DAPK1: variants seen among roughly 807,000 people sequenced by gnomAD.
DAPK1 encodes death-associated protein kinase 1.
Under a neutral mutation model 144.9 loss-of-function variants are expected in DAPK1, and 56 were observed. That is an observed-to-expected ratio of 0.39 (90% CI 0.31 to 0.48). The LOEUF is 0.48. Ranked by LOEUF, DAPK1 falls within the 20% of genes least tolerant of loss-of-function variation. The pLI, the probability that DAPK1 is intolerant of heterozygous loss-of-function variation, is 0.95. For missense variants in DAPK1, 1,454 were observed against 1,875.4 expected, an observed-to-expected ratio of 0.78 and a Z score of 4.15; for synonymous variants, 690 against 749.0, an observed-to-expected ratio of 0.92 and a Z score of 1.29.
At chr9:87,532,583 A>G (rs1283658339) in intron 2 of DAPK1, among the ~76,000 whole-genome samples, 1 of 152,196 alleles carries the variant, frequency 6.6e-6, no homozygotes, top group African/African-American at 2.4e-5. Context: ...TATAATGTGA[A>G]ATTCTTATTT....
chr9:87,607,051 G>A (rs947548513), intron 3 of DAPK1, among the ~76,000 whole-genome samples: 3 of 149,350 alleles, frequency 2.0e-5, no homozygotes, highest in East Asian at 2.0e-4. Flanking sequence ...TGCTTCCCCT[G>A]TACCCTCCCA....
intron 2 of DAPK1, among the ~76,000 whole-genome samples, chr9:87,564,919 A>G (rs964563563): frequency 5.3e-5 from 8 of 151,804 alleles, no homozygotes; most frequent in African/African-American, 1.7e-4. Flanking sequence ...AGCAATAAAG[A>G]CTCTTGGATT....
intron 2 of DAPK1, among the ~76,000 whole-genome samples, chr9:87,581,910 G>A (rs1365572212): frequency 6.6e-6 from 1 of 152,008 alleles, no homozygotes; most frequent in Non-Finnish European, 1.5e-5. Flanking sequence ...TGAGACACTC[G>A]GGCTTAATGT....
chr9:87,539,057 A>G (rs1177617884), intron 2 of DAPK1, among the ~76,000 whole-genome samples: 1 of 150,908 alleles, frequency 6.6e-6, no homozygotes, highest in East Asian at 1.9e-4. Context: ...TTTTATTGCT[A>G]ACATACAAAG....
chr9:87,594,509 C>T (rs906444458), intron 2 of DAPK1, among the ~76,000 whole-genome samples: 8 of 152,188 alleles, frequency 5.3e-5, no homozygotes, highest in African/African-American at 1.9e-4. Context: ...CAGTGAGTCC[C>T]AGAAAGTGAA....
chr9:87,645,709 T>A (rs1446979450), intron 11 of DAPK1, among the ~76,000 whole-genome samples, 186 bp from the exon 12 acceptor site: 1 of 152,176 alleles, frequency 6.6e-6, no homozygotes, highest in Non-Finnish European at 1.5e-5. Context: ...ATAGTGCTTG[T>A]TTGCAACATG....
chr9:87,616,180 G>A (rs1829089818), intron 3 of DAPK1, among the ~76,000 whole-genome samples: 1 of 152,234 alleles, frequency 6.6e-6, no homozygotes, highest in Non-Finnish European at 1.5e-5. Flanking sequence ...GAAGTTGGGG[G>A]TGGGCAGAAG....
intron 17 of DAPK1, among the ~76,000 whole-genome samples, chr9:87,653,619 T>C (rs982146071): frequency 2.1e-4 from 32 of 152,290 alleles, no homozygotes; most frequent in African/African-American, 7.2e-4. Flanking sequence ...CAGGAAAATG[T>C]CTAGTGACAT....
intron 3 of DAPK1, among the ~76,000 whole-genome samples, chr9:87,614,871 A>C (rs1167721469): frequency 6.6e-6 from 1 of 151,932 alleles, no homozygotes; most frequent in East Asian, 1.9e-4. Context: ...CAAACCTTCC[A>C]TTTGGCTTTC....
intron 2 of DAPK1, among the ~76,000 whole-genome samples, chr9:87,513,860 C>T (rs1824944233): frequency 1.3e-5 from 2 of 152,202 alleles, no homozygotes; most frequent in South Asian, 2.1e-4. Context: ...CAGGTGTTCT[C>T]AACCTCGGCA....
intron 3 of DAPK1, among the ~76,000 whole-genome samples, chr9:87,619,436 G>A (rs1343771577): frequency 6.6e-6 from 1 of 152,202 alleles, no homozygotes; most frequent in Non-Finnish European, 1.5e-5. Flanking sequence ...CAGGGAGACT[G>A]GCTGGGAAAC....
intron 2 of DAPK1, among the ~76,000 whole-genome samples, chr9:87,500,799 C>A (rs1229226344): frequency 6.6e-6 from 1 of 152,078 alleles, no homozygotes; most frequent in Non-Finnish European, 1.5e-5. Context: ...TTGTGTATAA[C>A]GTTCTCCCCA....
intron 2 of DAPK1, among the ~76,000 whole-genome samples, chr9:87,563,887 G>A (rs1251262028): frequency 2.0e-5 from 3 of 152,178 alleles, no homozygotes; most frequent in African/African-American, 7.2e-5. Context: ...TGGTGTGTTC[G>A]TGCCCAATGG....
chr9:87,604,003 CG>C (rs2118954017), intron 2 of DAPK1, among the ~76,000 whole-genome samples: 1 of 152,250 alleles, frequency 6.6e-6, no homozygotes, highest in South Asian at 2.1e-4. Context: ...TGGCTTATGT[CG>C]CTGAAACATC....
At chr9:87,650,327 A>G (rs1830402190) in intron 16 of DAPK1, 10 of 547,340 alleles carry the variant, frequency 1.8e-5, no homozygotes, top group Non-Finnish European at 3.2e-5. Context: ...AACAAAATTC[A>G]TGAGTTGATC....
At chr9:87,606,620 T>C (rs1587762907) in intron 3 of DAPK1, among the ~76,000 whole-genome samples, 4 of 90,170 alleles carry the variant, frequency 4.4e-5, no homozygotes, top group East Asian at 4.3e-4. Flanking sequence ...TCCCTCTCTC[T>C]CTCCCTCCTT....
Position 87,582,557 on chromosome 9 carries a change from C to CTTTTTTTTTTTTTTTTTTTT in DAPK1, c.63-22382_63-22381insTTTTTTTTTTTTTTTTTTTT, listed in dbSNP as rs10659497. On this transcript the variant is annotated intron_variant, in intron 2 of 25. Coordinates refer to ENST00000408954, the MANE Select transcript of DAPK1 (RefSeq NM_004938.4). ...TGGTCACACTTTGCCAATTTTCCTG[C>CTTTTTTTTTTTTTTTTTTTT]TTTTTTTTTTTTTTTGAGATGGAAT... is the stretch of plus-strand genomic sequence containing the variant. 2.2e-5 allele frequency among the ~76,000 whole-genome samples: 3 copies of CTTTTTTTTTTTTTTTTTTTT among 139,500 alleles called. 1 individual carries two copies. Among genetic ancestry groups the CTTTTTTTTTTTTTTTTTTTT allele is most frequent in the Non-Finnish European group, 3.1e-5 (2 of 64,842 alleles). 91.5% of individuals were successfully genotyped at this position (139,500 alleles called of 152,430 possible).
At chr9:87,612,699 C>T (rs913267698) in intron 3 of DAPK1, among the ~76,000 whole-genome samples, 2 of 152,142 alleles carry the variant, frequency 1.3e-5, no homozygotes, top group African/African-American at 4.8e-5. Context: ...AAACATAATG[C>T]CTAATTATGG....
chr9:87,649,918 C>T lies in DAPK1; in HGVS notation c.1429-3C>T, dbSNP rs192083404. On this transcript the variant is annotated splice_region_variant and splice_polypyrimidine_tract_variant and intron_variant, in intron 15 of 25. Coordinates refer to ENST00000408954, the MANE Select transcript of DAPK1 (RefSeq NM_004938.4). Reference sequence around the variant, plus strand: ...TCCTCTCTGTACTCGTCTCCTTGGCCAGGAAGAAGAAACCCCCCTGCACTG... The same window carrying T: ...TCCTCTCTGTACTCGTCTCCTTGGCTAGGAAGAAGAAACCCCCCTGCACTG... 2.0e-5 allele frequency: 32 copies of T among 1,614,056 alleles called. No homozygotes were observed. In the African/African-American group the frequency reaches 3.9e-4, roughly 19 times the overall value.
Sources: gnomAD v4.1 joint callset for allele counts (sites outside exome capture counted in the v4.1 genomes callset) on GRCh38, gnomAD v4.1.1 for gene constraint, MANE v1.5 for transcripts, NCBI Gene and HGNC (gene_info 2026-07-23, HGNC 2026-07-21) for gene names.